C12orf42: variants seen among roughly 807,000 people sequenced by gnomAD.
C12orf42 encodes the protein uncharacterized protein C12orf42.
In C12orf42, 25 loss-of-function variants were observed where a neutral mutation model predicts 21.6. That is an observed-to-expected ratio of 1.16 (90% confidence interval 0.84 to 1.62). C12orf42 has a LOEUF of 1.62. C12orf42 is among the 40% of genes most tolerant of loss of function. C12orf42 has a pLI of 0.00. For missense variants in C12orf42, 483 were observed against 459.3 expected (o/e 1.05, Z -0.47); for synonymous variants, 174 against 175.0 (o/e 0.99, Z 0.05).
At chr12:103,522,968 T>C in the C12orf42 span, among the ~76,000 whole-genome samples, 1 of 152,296 alleles carries the variant, frequency 6.6e-6, no homozygotes. Context: ...GGAGACAGTG[T>C]CTAGCAGGCT....
intron 4 of C12orf42, among the ~76,000 whole-genome samples, chr12:103,350,352 A>G (rs1593552832): frequency 6.6e-6 from 1 of 152,164 alleles, no homozygotes; most frequent in Non-Finnish European, 1.5e-5. Context: ...TGCACATGCA[A>G]CCTGCCCACT....
rs763048918 is a variant in C12orf42 at position 103,338,494 on chromosome 12, G to A, written c.259+30393C>T. Reference sequence around the variant, plus strand: ...AGTGTCTGGCTCTGGTACAGCAAGCGCTTCTAAGAAGGCCTGAAGAAGTGT... The same window carrying A: ...AGTGTCTGGCTCTGGTACAGCAAGCACTTCTAAGAAGGCCTGAAGAAGTGT... On this transcript the variant is annotated intron_variant, in intron 4 of 5. Transcript: ENST00000548883. 5.9e-5 allele frequency among the ~76,000 whole-genome samples: 9 copies of A among 152,180 alleles called. 1 individual carries two copies. The highest frequency in any genetic ancestry group is 3.3e-4 in the Admixed American group (5 of 15,284).
intron 10 of C12orf42, among the ~76,000 whole-genome samples, chr12:103,249,623 T>C (rs1249036113): frequency 6.6e-6 from 1 of 152,006 alleles, no homozygotes; most frequent in Non-Finnish European, 1.5e-5. Flanking sequence ...CTGGTTCAAT[T>C]CAATCCGAGA....
At chr12:103,116,378 A>AT in the C12orf42 span, among the ~76,000 whole-genome samples, 76 of 132,910 alleles carry the variant, frequency 5.7e-4, no homozygotes, top group African/African-American at 2.0e-3. Flanking sequence ...AAGAAAAAAA[A>AT]AAAATATATA....
chr12:103,135,709 A>G, the C12orf42 span, among the ~76,000 whole-genome samples: 288 of 152,318 alleles, frequency 1.9e-3, 2 homozygotes, highest in African/African-American at 6.1e-3. Flanking sequence ...ATAATAGACC[A>G]TGACCAAGGG....
the C12orf42 span, among the ~76,000 whole-genome samples, chr12:103,200,189 G>A: frequency 6.6e-5 from 10 of 152,146 alleles, no homozygotes; most frequent in African/African-American, 2.2e-4. Context: ...CAAAATGGGT[G>A]AACTTAGAGG....
chr12:103,250,755 C>A (rs184220510), intron 10 of C12orf42, among the ~76,000 whole-genome samples: 1 of 152,144 alleles, frequency 6.6e-6, no homozygotes, highest in Admixed American at 6.5e-5. Context: ...GCCACTTTTT[C>A]TTGGTTCCCT....
At chr12:103,278,235 A>T (rs2035895877) in intron 4 of C12orf42, among the ~76,000 whole-genome samples, 1 of 152,192 alleles carries the variant, frequency 6.6e-6, no homozygotes, top group Non-Finnish European at 1.5e-5. Flanking sequence ...GGGTTTTTTT[A>T]AAACCACCTT....
intron 10 of C12orf42, among the ~76,000 whole-genome samples, chr12:103,256,111 T>TATATATAC (rs1439188517): frequency 0.014 from 485 of 33,730 alleles, 4 homozygotes; most frequent in Non-Finnish European, 0.022. Context: ...TATATATATA[T>TATATATAC]ACACACACAC....
chr12:103,504,000 T>G, the C12orf42 span: 1 of 153,700 alleles, frequency 6.5e-6, no homozygotes, highest in East Asian at 1.9e-4. Flanking sequence ...GTGGCAGAAG[T>G]ATTAGGTTGG....
At chr12:103,139,048 T>C in the C12orf42 span, among the ~76,000 whole-genome samples, 1 of 152,186 alleles carries the variant, frequency 6.6e-6, no homozygotes. Flanking sequence ...GTGTTTTCTT[T>C]TCATTCCCCA....
chr12:103,233,819 T>C (rs1394430044), downstream of C12orf42, among the ~76,000 whole-genome samples: 1 of 152,226 alleles, frequency 6.6e-6, no homozygotes, highest in Non-Finnish European at 1.5e-5. Context: ...ATTTATTTTG[T>C]TCTTATTGCA....
intron 2 of C12orf42, among the ~76,000 whole-genome samples, chr12:103,443,934 T>G (rs959931755): frequency 2.6e-5 from 4 of 152,160 alleles, no homozygotes; most frequent in Non-Finnish European, 5.9e-5. Flanking sequence ...CCAGATTTCA[T>G]GTTGCACATT....
At chr12:103,056,388 C>T in the C12orf42 span, among the ~76,000 whole-genome samples, 1 of 152,066 alleles carries the variant, frequency 6.6e-6, no homozygotes. Context: ...TTTTTCTTTG[C>T]CTCTAGTTTT....
At chr12:103,458,954 CA>C (rs34767401) in intron 2 of C12orf42, among the ~76,000 whole-genome samples, 63 of 138,582 alleles carry the variant, frequency 4.5e-4, no homozygotes, top group Non-Finnish European at 7.4e-4. Context: ...ATTAAATGTG[CA>C]AAAAAAAAAA....
chr12:103,054,779 T>G, the C12orf42 span, among the ~76,000 whole-genome samples: 1 of 151,942 alleles, frequency 6.6e-6, no homozygotes, highest in Non-Finnish European at 1.5e-5. Context: ...AGAGTTTTTA[T>G]TATAAATAGC....
At chr12:103,164,344 T>C in the C12orf42 span, 2 of 453,038 alleles carry the variant, frequency 4.4e-6, no homozygotes, top group African/African-American at 4.0e-5. Context: ...CAGACTCTCC[T>C]ATCCCCTTTC....
At chr12:103,421,010 A>T (rs2049849094) in intron 2 of C12orf42, among the ~76,000 whole-genome samples, 1 of 152,168 alleles carries the variant, frequency 6.6e-6, no homozygotes, top group African/African-American at 2.4e-5. Flanking sequence ...CTTTTATTTT[A>T]TTGTACAACT....
the C12orf42 span, among the ~76,000 whole-genome samples, chr12:103,199,549 G>T: frequency 3.9e-5 from 6 of 152,108 alleles, no homozygotes; most frequent in Non-Finnish European, 7.4e-5. Flanking sequence ...GAAAATATTT[G>T]TAAACCACAT....
Sources: gnomAD v4.1 joint callset for allele counts (sites outside exome capture counted in the v4.1 genomes callset) on GRCh38, gnomAD v4.1.1 for gene constraint, MANE v1.5 for transcripts, NCBI Gene and HGNC (gene_info 2026-07-23, HGNC 2026-07-21) for gene names.